Variants in TIAM1 observed in about 807,000 individuals in gnomAD.
TIAM1 encodes rho guanine nucleotide exchange factor TIAM1.
TIAM1 carries 65 observed loss-of-function variants against 163.5 expected under a neutral mutation model. The ratio of observed to expected loss-of-function variants is 0.40; its 90% CI spans 0.33 to 0.49. The LOEUF is 0.49. Ranked by LOEUF, TIAM1 falls within the 20% of genes least tolerant of loss-of-function variation. The pLI is 0.77. For missense variants in TIAM1, 1,789 were observed against 2,044.7 expected, an observed-to-expected ratio of 0.87 and a Z score of 2.41; for synonymous variants, 833 against 810.1, an observed-to-expected ratio of 1.03 and a Z score of -0.48.
chr21:31,469,980 G>C (rs993365439), intron 1 of TIAM1, among the ~76,000 whole-genome samples: 2 of 149,574 alleles, frequency 1.3e-5, no homozygotes, highest in Admixed American at 6.8e-5. Flanking sequence ...CGAGTGTTAC[G>C]AGTGTCAGTG....
chr21:31,143,673 G>T (rs1417832128), intron 20 of TIAM1, among the ~76,000 whole-genome samples: 1 of 151,486 alleles, frequency 6.6e-6, no homozygotes, highest in Non-Finnish European at 1.5e-5. Context: ...AGTGGTTAGG[G>T]GTATGAGCTA....
chr21:31,152,423 G>A lies in TIAM1; in HGVS notation c.3366+213C>T, dbSNP rs925597519. ...GGTCAAGGTTGGTACTTCTTCTCAC[G>A]TAAAAGCCAGCAGCTGCACCAGTTT... On this transcript the variant is annotated intron_variant, in intron 19 of 27. Coordinates refer to ENST00000541036, the MANE Select transcript of TIAM1 (RefSeq NM_001353694.2). 6.6e-5 allele frequency among the ~76,000 whole-genome samples: 10 copies of A among 152,136 alleles called. No individual in the cohort carries two copies. In the South Asian group the frequency reaches 1.0e-3, roughly 16 times the overall value.
chr21:31,248,151 G>A lies in TIAM1; in HGVS notation c.1412-2491C>T, dbSNP rs73902303. 9.5e-4 allele frequency among the ~76,000 whole-genome samples: 144 copies of A among 152,180 alleles called. No homozygotes were observed. In the Middle Eastern group the frequency reaches 0.01, roughly 11 times the overall value. ...AAACCCTGCTCTAAATAGTTTTTAC[G>A]ACTAATTCAACACTAATGAAAAGTA... is the stretch of plus-strand genomic sequence containing the variant. On this transcript the variant is annotated intron_variant, in intron 5 of 27. Coordinates refer to ENST00000541036, the MANE Select transcript of TIAM1 (RefSeq NM_001353694.2).
intron 20 of TIAM1, among the ~76,000 whole-genome samples, chr21:31,143,402 A>G (rs1471156181): frequency 2.0e-5 from 3 of 151,916 alleles, no homozygotes; most frequent in Non-Finnish European, 4.4e-5. Flanking sequence ...TCTCTTCAAT[A>G]AATAAATACC....
intron 14 of TIAM1, among the ~76,000 whole-genome samples, chr21:31,185,836 T>G (rs1338616552): frequency 6.6e-6 from 1 of 151,762 alleles, no homozygotes; most frequent in Non-Finnish European, 1.5e-5. Flanking sequence ...CCATGTGACT[T>G]CAGGCAGAGA....
chr21:31,364,276 G>C (rs56109327), intron 2 of TIAM1, among the ~76,000 whole-genome samples: 2 of 152,150 alleles, frequency 1.3e-5, no homozygotes, highest in Non-Finnish European at 2.9e-5. Flanking sequence ...AAGCATCCCA[G>C]GTGGAGTAAA....
intron 14 of TIAM1, among the ~76,000 whole-genome samples, chr21:31,185,387 ATATATAATTATGC>A (rs1013407101): frequency 1.7e-4 from 25 of 145,244 alleles, no homozygotes; most frequent in African/African-American, 6.1e-4. Flanking sequence ...CATCATAATT[ATATATAATTATGC>A]TATATAATTA....
At chr21:31,356,494 G>A (rs1221572984) in intron 2 of TIAM1, among the ~76,000 whole-genome samples, 1 of 152,128 alleles carries the variant, frequency 6.6e-6, no homozygotes, top group Non-Finnish European at 1.5e-5. Flanking sequence ...TTCTAAGGTG[G>A]GGGCCTTTGG....
chr21:31,307,073 C>T (rs774519327), intron 2 of TIAM1, among the ~76,000 whole-genome samples: 3 of 152,114 alleles, frequency 2.0e-5, no homozygotes, highest in East Asian at 1.9e-4. Context: ...ATCTCAAACC[C>T]GACGGCTGAT....
chr21:31,120,672 G>T lies in TIAM1; in HGVS notation c.4472C>A (p.Ala1491Asp). ...GATGTCATCTTGCTCCTCATACTGA[G>T]CAAGATCAAACTGCTCCTCTACCCA... ...DRWVEEQFDL[A>D]QYEEQDDIKE... The change falls in exon 28 of 28, where the codon GCT (alanine) becomes GAT (aspartate). Residue 1491 changes from alanine (A) to aspartate (D), a missense_variant. Coordinates refer to ENST00000541036, the MANE Select transcript of TIAM1 (RefSeq NM_001353694.2). This position sits in a 1 kb window ranked among gnomAD's most constrained non-coding sequence, Gnocchi z 4.2. 8 of 1,614,040 alleles carry T rather than the reference G, an allele frequency of 5.0e-6. No homozygotes were observed. The highest frequency in any genetic ancestry group is 6.8e-6 in the Non-Finnish European group (8 of 1,180,028).
intron 8 of TIAM1, among the ~76,000 whole-genome samples, chr21:31,222,050 C>T (rs997624804): frequency 6.6e-6 from 1 of 152,096 alleles, no homozygotes; most frequent in Non-Finnish European, 1.5e-5. Context: ...AATCAGGATG[C>T]CAGTTTTAAT....
intron 2 of TIAM1, among the ~76,000 whole-genome samples, chr21:31,394,929 A>T (rs2077036895): frequency 1.3e-5 from 2 of 152,084 alleles, no homozygotes; most frequent in Admixed American, 1.3e-4. Context: ...CATGAGCTAC[A>T]GGCATTATTA....
chr21:31,537,535 C>T (rs1329897721), intron 1 of TIAM1, among the ~76,000 whole-genome samples: 2 of 151,622 alleles, frequency 1.3e-5, no homozygotes, highest in Non-Finnish European at 2.9e-5. Flanking sequence ...GTGGATCGCT[C>T]GAGGCCAGGA....
Position 31,172,531 on chromosome 21 carries a change from C to T in TIAM1, c.2888-7466G>A, listed in dbSNP as rs2268220. On this transcript the variant is annotated intron_variant, in intron 15 of 27. Coordinates refer to ENST00000541036, the MANE Select transcript of TIAM1 (RefSeq NM_001353694.2). Reference sequence around the variant, plus strand: ...AAGAAAGCTGAAGATAAGGCTCAGTCGTGGCTGGAGAAGCAGGATGCCCAT... The same window carrying T: ...AAGAAAGCTGAAGATAAGGCTCAGTTGTGGCTGGAGAAGCAGGATGCCCAT... 0.016 allele frequency among the ~76,000 whole-genome samples: 2,492 copies of T among 152,192 alleles called. 186 individuals are homozygous for T. The East Asian group carries it at 0.24, about 15-fold the overall frequency.
chr21:31,324,398 T>C (rs2075417847), intron 2 of TIAM1, among the ~76,000 whole-genome samples: 1 of 152,202 alleles, frequency 6.6e-6, no homozygotes, highest in Admixed American at 6.5e-5. Context: ...AGAGGGATGC[T>C]GTCCATGATG....
intron 1 of TIAM1, among the ~76,000 whole-genome samples, chr21:31,490,085 T>C (rs1240704206): frequency 6.6e-6 from 1 of 152,222 alleles, no homozygotes; most frequent in Non-Finnish European, 1.5e-5. Flanking sequence ...GTTAATTCTG[T>C]TTGGAGTCTC....
chr21:31,358,393 G>A (rs750290899), intron 2 of TIAM1, among the ~76,000 whole-genome samples: 6 of 152,002 alleles, frequency 3.9e-5, no homozygotes, highest in Admixed American at 2.6e-4. Context: ...GATCCCCTCC[G>A]GTCTCATGAC....
intron 2 of TIAM1, among the ~76,000 whole-genome samples, chr21:31,290,982 C>T (rs900606765): frequency 9.9e-5 from 15 of 152,256 alleles, no homozygotes; most frequent in African/African-American, 3.4e-4. Flanking sequence ...TTCAGCTGTG[C>T]TTTTGCAACA....
At chr21:31,503,886 A>T (rs1169043189) in intron 1 of TIAM1, among the ~76,000 whole-genome samples, 1 of 151,926 alleles carries the variant, frequency 6.6e-6, no homozygotes, top group East Asian at 1.9e-4. Context: ...CCAGACTATG[A>T]CCCCTTCCAC....
Sources: allele counts gnomAD v4.1 joint callset (sites outside exome capture counted in the v4.1 genomes callset), GRCh38; gene constraint gnomAD v4.1.1; non-coding constraint Gnocchi (gnomAD v3.1); transcripts MANE v1.5; gene names NCBI Gene and HGNC (gene_info 2026-07-23, HGNC 2026-07-21).